The following CELF2 variants were observed in gnomAD, a reference collection of about 807,000 sequenced individuals.
The protein encoded by CELF2 is CUGBP Elav-like family member 2, also known as CUG triplet repeat RNA-binding protein 2.
In CELF2, 8 loss-of-function variants were observed where a neutral mutation model predicts 62.6. The observed-to-expected ratio is 0.13, with a 90% CI of 0.07 to 0.23. The LOEUF is 0.23. Ranked by LOEUF, CELF2 falls within the 10% of genes least tolerant of loss-of-function variation. CELF2 has a pLI of 1.00. For synonymous variants in CELF2, 258 were observed against 250.0 expected (o/e 1.03, Z -0.30); for missense variants, 333 against 671.0 (o/e 0.50, Z 5.56).
At chr10:11,123,854 T>A (rs1595728102) in intron 1 of CELF2, among the ~76,000 whole-genome samples, 1 of 152,192 alleles carries the variant, frequency 6.6e-6, no homozygotes, top group East Asian at 1.9e-4. Context: ...TACAGTCTCT[T>A]CTTTCTTATG....
Position 11,217,629 on chromosome 10 carries a change from C to G in CELF2, c.354+122C>G. The G allele has an allele frequency of 1.5e-6, 1 of 653,796 alleles. No homozygotes were observed. The highest frequency in any genetic ancestry group is 2.0e-5 in the South Asian group (1 of 50,728). 40.5% of individuals were successfully genotyped at this position (653,796 alleles called of 1,614,324 possible). ...ACTTTGGTCTTTTGAGGAGTGTGTG[C>G]TGACCCCCCAGTTCCCTGCAGCAGC... On this transcript the variant is annotated intron_variant, in intron 3 of 12. Transcript: ENST00000633077. The surrounding 1 kb of genome is among the most constrained non-coding windows in gnomAD (Gnocchi z 5.6).
the CELF2 span, among the ~76,000 whole-genome samples, chr10:10,514,001 G>A: frequency 1.3e-5 from 2 of 152,112 alleles, no homozygotes; most frequent in African/African-American, 4.8e-5. Flanking sequence ...CCTTCCTCTT[G>A]CCAGCAATGG....
the CELF2 span, among the ~76,000 whole-genome samples, chr10:10,560,068 G>A: frequency 1.5e-4 from 23 of 152,092 alleles, no homozygotes; most frequent in Admixed American, 7.2e-4. Flanking sequence ...TCAATGTCTC[G>A]AAATCCTCAA....
intron 2 of CELF2, among the ~76,000 whole-genome samples, chr10:11,176,176 T>C (rs1009400125): frequency 1.3e-5 from 2 of 152,228 alleles, no homozygotes; most frequent in Non-Finnish European, 2.9e-5. Context: ...TATCTCCTCT[T>C]TCCCCTTTTT....
the CELF2 span, among the ~76,000 whole-genome samples, chr10:10,778,151 C>A: frequency 6.6e-6 from 1 of 152,126 alleles, no homozygotes; most frequent in African/African-American, 2.4e-5. Flanking sequence ...AGAAAGGGAG[C>A]AAGGGGTGTT....
chr10:11,023,691 A>G (rs1254696846), intron 1 of CELF2, among the ~76,000 whole-genome samples: 1 of 152,236 alleles, frequency 6.6e-6, no homozygotes, highest in Non-Finnish European at 1.5e-5. Flanking sequence ...CTAAATCATG[A>G]CAGAAAGTGA....
At chr10:10,658,999 G>A in the CELF2 span, among the ~76,000 whole-genome samples, 1 of 151,930 alleles carries the variant, frequency 6.6e-6, no homozygotes, top group African/African-American at 2.4e-5. Flanking sequence ...TGCATAACTG[G>A]GGTGGTTAAA....
At chr10:10,736,357 A>ATTCTTTCTTTCTTTCTTTCTTTCTTTCT in the CELF2 span, among the ~76,000 whole-genome samples, 3 of 109,672 alleles carry the variant, frequency 2.7e-5, no homozygotes, top group African/African-American at 3.8e-5. Flanking sequence ...ACTGATTTCT[A>ATTCTTTCTTTCTTTCTTTCTTTCTTTCT]TTCTTTCTTT....
chr10:11,197,053 G>GAAGAGAGAAGT (rs1565233084), intron 2 of CELF2, among the ~76,000 whole-genome samples: 1 of 57,168 alleles, frequency 1.7e-5, no homozygotes, highest in Non-Finnish European at 3.9e-5. Context: ...AAGAAAGAAA[G>GAAGAGAGAAGT]AAAGAAAAGA....
intron 2 of CELF2, among the ~76,000 whole-genome samples, chr10:10,950,344 C>T (rs1034372501): frequency 5.9e-5 from 9 of 151,982 alleles, no homozygotes; most frequent in African/African-American, 1.7e-4. Flanking sequence ...GTGGTCCCAG[C>T]GAGGTCTGGG....
the CELF2 span, among the ~76,000 whole-genome samples, chr10:10,480,916 C>A: frequency 6.6e-6 from 1 of 152,096 alleles, no homozygotes; most frequent in African/African-American, 2.4e-5. Context: ...GATAAAGAAT[C>A]TTGCCCAGTG....
At chr10:10,791,820 A>G in the CELF2 span, among the ~76,000 whole-genome samples, 2 of 152,172 alleles carry the variant, frequency 1.3e-5, no homozygotes, top group Non-Finnish European at 2.9e-5. Flanking sequence ...AATTTGACGG[A>G]GTAATTTTAT....
chr10:11,251,190 G>A (rs893402929), intron 4 of CELF2, among the ~76,000 whole-genome samples: 9 of 149,012 alleles, frequency 6.0e-5, no homozygotes, highest in African/African-American at 2.2e-4. Context: ...TGAACCTTTG[G>A]TTGTAGATAT....
At chr10:11,042,038 G>A (rs2061936386) in intron 1 of CELF2, among the ~76,000 whole-genome samples, 1 of 152,164 alleles carries the variant, frequency 6.6e-6, no homozygotes, top group Non-Finnish European at 1.5e-5. Flanking sequence ...GGATAGACTA[G>A]AACATTTCTG....
rs572165600 is a variant in CELF2 at position 11,177,998 on chromosome 10, G to T, written c.271+12316G>T. ...TAGATTGGAACAGCGTGACTGCCTG[G>T]TAGGATAAAGGAGACGACATCTGAA... On this transcript the variant is annotated intron_variant, in intron 2 of 12. Coordinates refer to ENST00000633077, the MANE Select transcript of CELF2 (RefSeq NM_001326342.2). The surrounding 1 kb of genome is among the most constrained non-coding windows in gnomAD (Gnocchi z 4.8). 2.0e-5 allele frequency among the ~76,000 whole-genome samples: 3 copies of T among 152,200 alleles called. No homozygotes were observed. Among genetic ancestry groups the T allele is most frequent in the Admixed American group, 6.5e-5 (1 of 15,272 alleles).
chr10:10,585,624 A>G, the CELF2 span, among the ~76,000 whole-genome samples: 1 of 152,202 alleles, frequency 6.6e-6, no homozygotes, highest in Non-Finnish European at 1.5e-5. Context: ...AGGAAGAACA[A>G]TAAAGTGTTT....
At chr10:10,594,069 G>T in the CELF2 span, among the ~76,000 whole-genome samples, 1 of 152,204 alleles carries the variant, frequency 6.6e-6, no homozygotes, top group Non-Finnish European at 1.5e-5. Flanking sequence ...CCAGATACAG[G>T]AGTACAAGTG....
At chr10:10,566,129 C>T in the CELF2 span, among the ~76,000 whole-genome samples, 1 of 152,158 alleles carries the variant, frequency 6.6e-6, no homozygotes, top group Non-Finnish European at 1.5e-5. Flanking sequence ...CATGCATGGT[C>T]TTTACCCTCA....
rs776821842 is a variant in CELF2, at chr10:11,314,191, C to T, written c.1029C>T (p.Thr343=). The stretch of plus-strand genomic sequence containing the variant: ...CTGGTGCAGCCATGAACTCCTTGAC[C>T]TCTCTCGGGACTCTGCAAGGACTGG... ...STAGAAMNSL[T]SLGTLQGLAG... is the part of the protein sequence containing the mutation. The change falls in exon 10 of 13, where the codon ACC becomes ACT. Residue 343 remains threonine, a synonymous_variant. Transcript: ENST00000633077. The surrounding 1 kb of genome is among the most constrained non-coding windows in gnomAD (Gnocchi z 5.3). 2.5e-6 allele frequency: 4 copies of T among 1,614,014 alleles called. No homozygotes were observed. The highest frequency in any genetic ancestry group is 3.4e-6 in the Non-Finnish European group (4 of 1,179,900).
Sources: allele counts gnomAD v4.1 joint callset (sites outside exome capture counted in the v4.1 genomes callset), GRCh38; gene constraint gnomAD v4.1.1; non-coding constraint Gnocchi (gnomAD v3.1); transcripts MANE v1.5; gene names NCBI Gene and HGNC (gene_info 2026-07-23, HGNC 2026-07-21).